KLF12: variants seen among roughly 807,000 people sequenced by gnomAD.
KLF12 encodes Krueppel-like factor 12.
Under a neutral mutation model 37.8 loss-of-function variants are expected in KLF12, and 9 were observed. The observed-to-expected ratio is 0.24, with a 90% CI of 0.14 to 0.42. The LOEUF (loss-of-function observed/expected upper bound fraction) is 0.42. KLF12 is among the 10% of genes least tolerant of loss of function. The pLI, the probability that KLF12 is intolerant of heterozygous loss-of-function variation, is 1.00. For missense variants in KLF12, 411 were observed against 516.0 expected (o/e 0.80, Z 1.97); for synonymous variants, 208 against 202.1 (o/e 1.03, Z -0.25).
At chr13:73,830,786 G>A (rs1884108410) in intron 4 of KLF12, among the ~76,000 whole-genome samples, 1 of 152,102 alleles carries the variant, frequency 6.6e-6, no homozygotes, top group Admixed American at 6.6e-5. Context: ...CTAGGCAGGG[G>A]CCAGATATGT....
At position 73,715,505 on chromosome 13, in the gene KLF12, A is replaced by C; in HGVS notation, c.890T>G (p.Ile297Ser). 6.2e-7 allele frequency: 1 copy of C among 1,613,724 alleles called. No individual in the cohort carries two copies. The highest frequency in any genetic ancestry group is 8.5e-7 in the Non-Finnish European group (1 of 1,179,856). ...CCGTCTCTGGCGTCTTGTGCTCTCA[A>C]TACTAAATGGTGAAATTGAACTGGA... Residue 297 changes from isoleucine (I) to serine (S), a missense_variant, in exon 7 of 8, where the codon ATT becomes AGT. Physicochemically the swap from Ile to Ser is moderately radical, Grantham distance 142 (BLOSUM62 -2). Around this residue, in one of 2 missense-constraint regions of KLF12, gnomAD observed 351 missense variants for 397.8 expected, o/e 0.88. Transcript: ENST00000377669.
Position 73,694,685 on chromosome 13 carries a change from G to T in KLF12, c.*805C>A, listed in dbSNP as rs1874013144. ...TGACAGAACACTGCAATTTGAAGTG[G>T]GGCAGTAGTTTTTTAGACAGGCTCT... On this transcript the variant is annotated 3_prime_UTR_variant, in exon 8 of 8. Transcript: ENST00000377669. 6.6e-6 allele frequency: 1 copy of T among 152,614 alleles called. No individual in the cohort carries two copies. The highest frequency in any genetic ancestry group is 1.5e-5 in the Non-Finnish European group (1 of 68,042). 9.5% of individuals were successfully genotyped at this position (152,614 alleles called of 1,614,324 possible). A position where few individuals can be genotyped will look rare whatever the true frequency, so the allele number is the denominator to read the frequency against.
chr13:73,766,451 T>C (rs1879919335), intron 5 of KLF12, among the ~76,000 whole-genome samples: 1 of 152,220 alleles, frequency 6.6e-6, no homozygotes, highest in African/African-American at 2.4e-5. Flanking sequence ...GCGTAATTTT[T>C]TCCTCTTTTA....
intron 1 of KLF12, among the ~76,000 whole-genome samples, chr13:74,045,095 T>C (rs140646282): frequency 2.0e-5 from 3 of 152,044 alleles, no homozygotes; most frequent in East Asian, 1.9e-4. Context: ...GTATAATTCC[T>C]TACTTCTGAA....
the KLF12 span, among the ~76,000 whole-genome samples, chr13:74,243,104 C>G: frequency 6.6e-6 from 1 of 152,174 alleles, no homozygotes; most frequent in Non-Finnish European, 1.5e-5. Context: ...TCTCCCTCCC[C>G]TTGTCCCCCA....
chr13:74,212,379 T>C, the KLF12 span, among the ~76,000 whole-genome samples: 5 of 152,186 alleles, frequency 3.3e-5, no homozygotes, highest in Admixed American at 3.3e-4. Flanking sequence ...TTGATTATGC[T>C]GGACAGCTAA....
intron 6 of KLF12, among the ~76,000 whole-genome samples, chr13:73,736,675 T>C (rs1307079465): frequency 6.6e-6 from 1 of 152,218 alleles, no homozygotes; most frequent in Non-Finnish European, 1.5e-5. Context: ...GGCTTCCAAA[T>C]AACAACCCAG....
the KLF12 span, among the ~76,000 whole-genome samples, chr13:74,181,010 G>GT: frequency 2.0e-3 from 309 of 151,646 alleles, 3 homozygotes; most frequent in Non-Finnish European, 9.0e-4. Flanking sequence ...TTTTTCTTTT[G>GT]TTTTTTTTGA....
At chr13:73,965,382 T>C (rs1023602074) in intron 2 of KLF12, among the ~76,000 whole-genome samples, 1 of 152,198 alleles carries the variant, frequency 6.6e-6, no homozygotes, top group Non-Finnish European at 1.5e-5. Context: ...AAAAGCACTT[T>C]ATTTTGATGG....
the KLF12 span, among the ~76,000 whole-genome samples, chr13:74,264,505 T>C: frequency 6.6e-6 from 1 of 152,192 alleles, no homozygotes; most frequent in Non-Finnish European, 1.5e-5. Flanking sequence ...AAAATGGAGA[T>C]ATATGGGAGG....
At position 74,042,240 on chromosome 13, in the gene KLF12, G is replaced by A. The variant is rs185371930; in HGVS notation, c.-31-47187C>T. On this transcript the variant is annotated intron_variant, in intron 1 of 7. Coordinates refer to ENST00000377669, the MANE Select transcript of KLF12 (RefSeq NM_007249.5). ...AATCACTTGGACCCAGGAGGTGGAT[G>A]TTGCAGTGAGCTGAGATAGCACCAC... Among the ~76,000 whole-genome samples, 618 of 149,194 alleles carry A rather than the reference G, an allele frequency of 4.1e-3. 2 individuals are homozygous for A. Among genetic ancestry groups the A allele is most frequent in the African/African-American group, 0.013 (513 of 40,268 alleles).
chr13:74,269,097 T>A, the KLF12 span, among the ~76,000 whole-genome samples: 1 of 152,290 alleles, frequency 6.6e-6, no homozygotes, highest in East Asian at 1.9e-4. Flanking sequence ...TACAGCAGGA[T>A]CATCTAAGAC....
At chr13:74,085,306 C>T (rs58971261) in intron 1 of KLF12, among the ~76,000 whole-genome samples, 15,010 of 152,208 alleles carry the variant, frequency 0.099, 984 homozygotes, top group Admixed American at 0.18. Flanking sequence ...ATGTTAATGG[C>T]TGAATATAAA....
chr13:73,969,678 C>T (rs1891273693), intron 2 of KLF12, among the ~76,000 whole-genome samples: 1 of 152,154 alleles, frequency 6.6e-6, no homozygotes. Flanking sequence ...ATAACACTTA[C>T]CTCTGTCTCC....
At chr13:74,123,197 C>T (rs1320140743) in intron 1 of KLF12, among the ~76,000 whole-genome samples, 1 of 151,792 alleles carries the variant, frequency 6.6e-6, no homozygotes. Flanking sequence ...TGGTTGGAAA[C>T]ATAAAATGAA....
intron 1 of KLF12, among the ~76,000 whole-genome samples, chr13:74,059,141 A>G (rs960369108): frequency 6.6e-6 from 1 of 152,244 alleles, no homozygotes; most frequent in African/African-American, 2.4e-5. Context: ...ATGGCTGCAT[A>G]GTATTTCAGT....
chr13:73,769,155 C>T (rs1258468162), intron 5 of KLF12, among the ~76,000 whole-genome samples: 1 of 152,104 alleles, frequency 6.6e-6, no homozygotes, highest in Non-Finnish European at 1.5e-5. Flanking sequence ...ATTAGCATTG[C>T]TATTTAAATA....
At chr13:74,131,313 A>G (rs969617366) in intron 1 of KLF12, among the ~76,000 whole-genome samples, 1 of 152,188 alleles carries the variant, frequency 6.6e-6, no homozygotes, top group Non-Finnish European at 1.5e-5. Flanking sequence ...CACGATGGAT[A>G]TTACAGGCCA....
chr13:74,028,031 T>C (rs373216449), intron 1 of KLF12, among the ~76,000 whole-genome samples: 13 of 152,192 alleles, frequency 8.5e-5, no homozygotes, highest in South Asian at 8.3e-4. Flanking sequence ...GCCAATTTAA[T>C]AGCCATTATA....
Sources: allele counts gnomAD v4.1 joint callset (sites outside exome capture counted in the v4.1 genomes callset), GRCh38; gene constraint gnomAD v4.1.1; regional missense constraint gnomAD v4.1.1; transcripts MANE v1.5; gene names NCBI Gene and HGNC (gene_info 2026-07-23, HGNC 2026-07-21).